Variants in FTO observed in about 807,000 individuals in gnomAD.
FTO encodes alpha-ketoglutarate-dependent dioxygenase FTO.
A neutral mutation model predicts 63.9 loss-of-function variants in FTO; 47 were observed. That is an observed-to-expected ratio of 0.74 (90% CI 0.58 to 0.94). The LOEUF (loss-of-function observed/expected upper bound fraction) is 0.94. Ranked by LOEUF, FTO falls within the 40% of genes least tolerant of loss-of-function variation. The probability of loss-of-function intolerance (pLI) is 0.00; values close to 1 mark genes in which losing one functional copy is unlikely to be tolerated. For synonymous variants in FTO, 207 were observed against 224.4 expected (o/e 0.92, Z 0.69); for missense variants, 562 against 618.1 (o/e 0.91, Z 0.96).
chr16:53,740,678 G>T (rs12102495), intron 1 of FTO, among the ~76,000 whole-genome samples: 2,124 of 152,258 alleles, frequency 0.014, 54 homozygotes, highest in African/African-American at 0.049. Context: ...CTCTGGCTCA[G>T]TTGACAGTTT....
intron 8 of FTO, chr16:53,979,267 A>G: frequency 2.5e-6 from 1 of 395,716 alleles, no homozygotes; most frequent in East Asian, 3.6e-5. Flanking sequence ...TGGAATTACT[A>G]GGTAAAGGAG....
intron 8 of FTO, among the ~76,000 whole-genome samples, chr16:53,934,543 A>G (rs2143270217): frequency 6.6e-6 from 1 of 152,304 alleles, no homozygotes; most frequent in East Asian, 1.9e-4. Context: ...TGATGGGGAT[A>G]GGTTCTGAGA....
chr16:53,974,157 C>A (rs895273923), intron 8 of FTO, among the ~76,000 whole-genome samples: 2 of 152,098 alleles, frequency 1.3e-5, no homozygotes, highest in Non-Finnish European at 2.9e-5. Flanking sequence ...TTGGATGATG[C>A]CGACTTGCGG....
intron 7 of FTO, among the ~76,000 whole-genome samples, chr16:53,931,980 C>G (rs1184718856): frequency 6.6e-6 from 1 of 151,956 alleles, no homozygotes; most frequent in Non-Finnish European, 1.5e-5. Flanking sequence ...TTCTGAATGT[C>G]AGAGCTGGCT....
intron 8 of FTO, chr16:54,052,773 T>C (rs1453652853): frequency 1.3e-5 from 2 of 152,244 alleles, no homozygotes; most frequent in African/African-American, 4.8e-5. Context: ...TGGAGTGCAG[T>C]GGCACTACCT....
At chr16:53,722,957 TA>T (rs1295461979) in intron 1 of FTO, among the ~76,000 whole-genome samples, 5 of 152,186 alleles carry the variant, frequency 3.3e-5, no homozygotes, top group Non-Finnish European at 7.3e-5. Context: ...TTAAAAGAGT[TA>T]TGTCTGAACC....
chr16:53,719,700 T>A (rs2075992533), intron 1 of FTO, among the ~76,000 whole-genome samples: 1 of 151,832 alleles, frequency 6.6e-6, no homozygotes, highest in Non-Finnish European at 1.5e-5. Flanking sequence ...TTTCTACCTT[T>A]GTTTTTATTG....
rs140779864 is a variant in FTO, at chr16:54,015,826, G to C, written c.1364+81717G>C. Among the ~76,000 whole-genome samples the C allele has an allele frequency of 1.6e-3, 245 of 152,254 alleles. 1 individual carries two copies. Among genetic ancestry groups the C allele is most frequent in the African/African-American group, 5.7e-3 (236 of 41,538 alleles). ...ACTTCATACAGTGACTTACAAGTTC[G>C]GACAGCCTCCAGCAAACACAGGAAA... On this transcript the variant is annotated intron_variant, in intron 8 of 8. Transcript: ENST00000471389.
intron 1 of FTO, among the ~76,000 whole-genome samples, chr16:53,762,412 T>C (rs1362978434): frequency 6.6e-6 from 1 of 152,172 alleles, no homozygotes; most frequent in Non-Finnish European, 1.5e-5. Context: ...TTATTGAACT[T>C]TGAAGAACCT....
At position 54,112,403 on chromosome 16, in the gene FTO, T is replaced by G. The variant is rs2086910802; in HGVS notation, c.*488T>G. 1 of 185,280 alleles carries G rather than the reference T, an allele frequency of 5.4e-6. No homozygotes were observed. The allele number at this position is 185,280 out of a possible 1,614,324, so 11.5% of individuals were successfully genotyped here. A position where few individuals can be genotyped will look rare whatever the true frequency, so the allele number is the denominator to read the frequency against. On this transcript the variant is annotated 3_prime_UTR_variant, in exon 9 of 9. Transcript: ENST00000471389. The stretch of plus-strand genomic sequence containing the variant: ...ATTTAAATTCAGTTTTAATTTTAAT[T>G]AAAAATGCAGCTCTTCAGTCGCCCT...
chr16:53,890,355 C>T (rs1248245086), intron 7 of FTO, among the ~76,000 whole-genome samples: 1 of 152,156 alleles, frequency 6.6e-6, no homozygotes, highest in Non-Finnish European at 1.5e-5. Context: ...ACCATCACAG[C>T]AGTCTATGCC....
intron 7 of FTO, among the ~76,000 whole-genome samples, chr16:53,889,687 A>G (rs2081098583): frequency 6.6e-6 from 1 of 152,078 alleles, no homozygotes; most frequent in Admixed American, 6.5e-5. Flanking sequence ...TCTGGGGAAG[A>G]ACATTAGAAT....
chr16:54,026,742 A>C (rs74691349), intron 8 of FTO, among the ~76,000 whole-genome samples: 1 of 152,184 alleles, frequency 6.6e-6, no homozygotes, highest in Non-Finnish European at 1.5e-5. Flanking sequence ...TGGGGCAGAG[A>C]AAAAAGTAAG....
intron 1 of FTO, among the ~76,000 whole-genome samples, chr16:53,775,806 T>C (rs999966573): frequency 6.6e-6 from 1 of 152,232 alleles, no homozygotes. Flanking sequence ...CATTTGTTTA[T>C]TCCTTTGATC....
At chr16:54,052,656 C>T (rs958665744) in intron 8 of FTO, 1 of 152,110 alleles carries the variant, frequency 6.6e-6, no homozygotes, top group Non-Finnish European at 1.5e-5. Flanking sequence ...CATGTGATGC[C>T]CATCTAAAAT....
intron 4 of FTO, among the ~76,000 whole-genome samples, chr16:53,860,063 A>G (rs2080126098): frequency 6.6e-6 from 1 of 152,218 alleles, no homozygotes; most frequent in Non-Finnish European, 1.5e-5. Flanking sequence ...ATGATTGAAT[A>G]AAGAAAATGC....
intron 8 of FTO, among the ~76,000 whole-genome samples, chr16:54,092,816 C>G (rs2086423693): frequency 6.6e-6 from 1 of 152,168 alleles, no homozygotes; most frequent in Non-Finnish European, 1.5e-5. Context: ...TTGCAGAAGG[C>G]TATTCACGTG....
intron 3 of FTO, among the ~76,000 whole-genome samples, chr16:53,830,751 C>T (rs1244969115): frequency 1.3e-5 from 2 of 152,068 alleles, no homozygotes; most frequent in Non-Finnish European, 2.9e-5. Flanking sequence ...GAAAAATAAG[C>T]TGGGCATGGT....
chr16:54,002,145 A>G (rs1233723461), intron 8 of FTO, among the ~76,000 whole-genome samples: 2 of 152,216 alleles, frequency 1.3e-5, no homozygotes, highest in African/African-American at 4.8e-5. Context: ...AGTTTTCAGC[A>G]AAGATATATG....
Sources: allele counts gnomAD v4.1 joint callset (sites outside exome capture counted in the v4.1 genomes callset), GRCh38; gene constraint gnomAD v4.1.1; transcripts MANE v1.5; gene names NCBI Gene and HGNC (gene_info 2026-07-23, HGNC 2026-07-21).